Variants in CEP250 observed in about 807,000 individuals in gnomAD.
CEP250 encodes centrosome-associated protein CEP250.
Under a neutral mutation model 315.7 loss-of-function variants are expected in CEP250, and 242 were observed. That is an observed-to-expected ratio of 0.77 (90% CI 0.69 to 0.85). CEP250 has a LOEUF of 0.85. CEP250 is among the 40% of genes least tolerant of loss of function. CEP250 has a pLI of 0.00. For synonymous variants in CEP250, 1,088 were observed against 1,175.0 expected, an observed-to-expected ratio of 0.93 and a Z score of 1.51; for missense variants, 2,515 against 2,886.4, an observed-to-expected ratio of 0.87 and a Z score of 2.95.
chr20:35,492,052 A>G (rs961336154), intron 22 of CEP250, among the ~76,000 whole-genome samples: 1 of 152,174 alleles, frequency 6.6e-6, no homozygotes, highest in Admixed American at 6.5e-5. Flanking sequence ...AAGTGCTGTA[A>G]AGGAAATAGA....
rs2062619162 is a variant in CEP250, at chr20:35,456,134, A to C, written c.-298+383A>C. On this transcript the variant is annotated intron_variant, in intron 1 of 34. Coordinates refer to ENST00000397527, the MANE Select transcript of CEP250 (RefSeq NM_007186.6). ...GATCTCGAACTCCCGACCTCAGGTG[A>C]TCCGCCCGCTTCGGCCTCCCAAAGT... Among the ~76,000 whole-genome samples the C allele has an allele frequency of 3.3e-5, 5 of 152,304 alleles. No individual in the cohort carries two copies. The South Asian group carries it at 1.0e-3, about 32-fold the overall frequency.
chr20:35,480,143 TG>T lies in CEP250; in HGVS notation c.2586+1del. Reference sequence around the variant, plus strand: ...AGAGGTGAACCAGCTCCGGGAGAAATGGGTAAGTGGTCAATGTGGCCGGGTA... The same window carrying T: ...AGAGGTGAACCAGCTCCGGGAGAAATGGTAAGTGGTCAATGTGGCCGGGTA... ...EKEVNQLREK[W>X]EKERSWHQQE... On this transcript the variant is annotated frameshift_variant and splice_region_variant, in exon 20 of 35. Coordinates refer to ENST00000397527, the MANE Select transcript of CEP250 (RefSeq NM_007186.6). LOFTEE classifies it high-confidence loss of function. The T allele has an allele frequency of 6.2e-7, 1 of 1,610,566 alleles. No individual in the cohort carries two copies. The highest frequency in any genetic ancestry group is 8.5e-7 in the Non-Finnish European group (1 of 1,179,240).
At chr20:35,474,908 T>G in intron 14 of CEP250, 1 of 468,308 alleles carries the variant, frequency 2.1e-6, no homozygotes, top group Non-Finnish European at 4.4e-6. Context: ...TGTATTTCCC[T>G]CCTCTCCTGT....
rs2062875318 is a variant in CEP250, at chr20:35,466,271, A to C, written c.492+67A>C. On this transcript the variant is annotated intron_variant, in intron 7 of 34. Coordinates refer to ENST00000397527, the MANE Select transcript of CEP250 (RefSeq NM_007186.6). ...TATTCTGGATGCTGCCCTGGTCAGT[A>C]CTGGAAGGAGTTAACTTCAGGACTT... is the stretch of plus-strand genomic sequence containing the variant. 4.0e-6 allele frequency: 6 copies of C among 1,502,152 alleles called. No individual in the cohort carries two copies. The South Asian group carries it at 7.4e-5, about 18-fold the overall frequency. The allele number at this position is 1,502,152 out of a possible 1,614,324, so 93.1% of individuals were successfully genotyped here.
chr20:35,456,075 A>T (rs1179940074), intron 1 of CEP250, among the ~76,000 whole-genome samples: 1 of 152,104 alleles, frequency 6.6e-6, no homozygotes, highest in Non-Finnish European at 1.5e-5. Context: ...TTATGTTTTT[A>T]GTAGAGACGG....
intron 16 of CEP250, among the ~76,000 whole-genome samples, chr20:35,476,898 G>T (rs2063188624): frequency 6.6e-6 from 1 of 152,188 alleles, no homozygotes; most frequent in Non-Finnish European, 1.5e-5. Context: ...ACCTAGGCTG[G>T]AGTGCAGTGG....
chr20:35,462,515 C>G lies in CEP250; in HGVS notation c.148C>G (p.Gln50Glu). 6.2e-7 allele frequency: 1 copy of G among 1,609,172 alleles called. No homozygotes were observed. Among genetic ancestry groups the G allele is most frequent in the Non-Finnish European group, 8.5e-7 (1 of 1,177,842 alleles). The change falls in exon 4 of 35, where the codon CAG becomes GAG. Residue 50 changes from glutamine to glutamate, a missense_variant. Physicochemically the swap from Gln to Glu is conservative, Grantham distance 29 (BLOSUM62 2). Transcript: ENST00000397527. The stretch of plus-strand genomic sequence containing the variant: ...GCTGAAGAACTCCCAGGAGGCCCAG[C>G]AGAGACAAGCAACCCTTGTGAGGAA... The part of the protein sequence containing the change: ...RKLKNSQEAQ[Q>E]RQATLVRKLQ...
intron 22 of CEP250, 89 bp downstream of exon 22, chr20:35,491,435 C>CCA: frequency 4.3e-6 from 6 of 1,404,776 alleles, no homozygotes; most frequent in Non-Finnish European, 5.9e-6. Flanking sequence ...TCTTATGTGC[C>CCA]AGGCCCTGTG....
chr20:35,472,848 T>C lies in CEP250; in HGVS notation c.1209+17T>C. The C allele has an allele frequency of 6.2e-7, 1 of 1,613,640 alleles. No homozygotes were observed. The highest frequency in any genetic ancestry group is 1.1e-5 in the South Asian group (1 of 91,062). ...GCTGTGCAGGTAGGAACCCTCAGCA[T>C]TCCACCTCAGTCACAGGGGTTTGTG... On this transcript the variant is annotated intron_variant, in intron 12 of 34. Coordinates refer to ENST00000397527, the MANE Select transcript of CEP250 (RefSeq NM_007186.6).
intron 14 of CEP250, chr20:35,474,809 G>A (rs562879050): frequency 1.7e-5 from 8 of 471,136 alleles, no homozygotes; most frequent in South Asian, 1.1e-4. Flanking sequence ...CTGGGAAGAT[G>A]AGAGCAATGT....
Position 35,504,388 on chromosome 20 carries a change from G to T in CEP250, c.6019G>T (p.Ala2007Ser), listed in dbSNP as rs777309189. 1 of 1,602,724 alleles carries T rather than the reference G, an allele frequency of 6.2e-7. No individual in the cohort carries two copies. Among genetic ancestry groups the T allele is most frequent in the South Asian group, 1.1e-5 (1 of 89,222 alleles). ...STATLQASLD[A>S]CQAHSRQLEE... ...TGCAACCCTGCAAGCCTCCCTGGAT[G>T]CCTGCCAGGCACACAGTCGGCAGCT... Residue 2007 changes from alanine (A) to serine (S), a missense_variant, in exon 30 of 35, where the codon GCC becomes TCC. Coordinates refer to ENST00000397527, the MANE Select transcript of CEP250 (RefSeq NM_007186.6).
chr20:35,492,814 G>A (rs566247959), intron 22 of CEP250, among the ~76,000 whole-genome samples: 13 of 152,202 alleles, frequency 8.5e-5, no homozygotes, highest in South Asian at 4.1e-4. Context: ...TGCAACCTTC[G>A]CCTCCCAGGT....
rs1568773150 is a variant in CEP250 at position 35,473,534 on chromosome 20, A to T, written c.1370A>T (p.Glu457Val). The change falls in exon 13 of 35, where the codon GAG becomes GTG. Residue 457 changes from glutamate to valine, a missense_variant. By Grantham distance (121) the Glu-to-Val change is moderately radical (BLOSUM62 -2). Transcript: ENST00000397527. Reference sequence around the variant, plus strand: ...GGGCAGACTGTGGACCTCCAGGGAGAGGTGGACTCTCTCAGCAAGTGAGCA... The same window carrying T: ...GGGCAGACTGTGGACCTCCAGGGAGTGGTGGACTCTCTCAGCAAGTGAGCA... ...LAGQTVDLQG[E>V]VDSLSKEREL... The T allele has an allele frequency of 6.2e-7, 1 of 1,612,962 alleles. No individual in the cohort carries two copies. Among genetic ancestry groups the T allele is most frequent in the Non-Finnish European group, 8.5e-7 (1 of 1,179,536 alleles).
intron 28 of CEP250, among the ~76,000 whole-genome samples, chr20:35,500,922 G>A (rs1377004265): frequency 1.3e-5 from 2 of 152,156 alleles, no homozygotes; most frequent in Non-Finnish European, 2.9e-5. Flanking sequence ...AAAAAAATTG[G>A]AGACCCAGGG....
chr20:35,505,074 A>AGGGTGGTGGGCAGT, intron 30 of CEP250, 69 bp downstream of exon 30: 4 of 1,371,026 alleles, frequency 2.9e-6, no homozygotes, highest in Non-Finnish European at 3.9e-6. Flanking sequence ...GGGACTGCCC[A>AGGGTGGTGGGCAGT]CCACCCTGGG....
At position 35,474,048 on chromosome 20, in the gene CEP250, C is replaced by T. The variant is rs202093319; in HGVS notation, c.1567C>T (p.Arg523Cys). The change falls in exon 14 of 35, where the codon CGT (arginine) becomes TGT (cysteine). Residue 523 changes from arginine (R) to cysteine (C), a missense_variant. By Grantham distance (180) the Arg-to-Cys change is radical (BLOSUM62 -3). Transcript: ENST00000397527. ...ELHLAVRERE[R>C]LQEMLMGLEA... ...GCACCTGGCTGTCCGGGAGAGGGAG[C>T]GTCTGTAAGTGAGACTAGTCTCCTC... 1.2e-5 allele frequency: 19 copies of T among 1,552,248 alleles called. No homozygotes were observed. The East Asian group carries it at 2.4e-4, about 19-fold the overall frequency.
chr20:35,511,344 T>G lies in CEP250; in HGVS notation c.7066-19T>G. 1 of 1,578,638 alleles carries G rather than the reference T, an allele frequency of 6.3e-7. No homozygotes were observed. Among genetic ancestry groups the G allele is most frequent in the Non-Finnish European group, 8.6e-7 (1 of 1,161,752 alleles). Reference sequence around the variant, plus strand: ...GCCCTCAGCTGCTCTCGCTTTTTTTTTTTTTTCCTGCCCACCAGGTGGTCC... The same window carrying G: ...GCCCTCAGCTGCTCTCGCTTTTTTTGTTTTTTCCTGCCCACCAGGTGGTCC... On this transcript the variant is annotated intron_variant, in intron 34 of 34. Coordinates refer to ENST00000397527, the MANE Select transcript of CEP250 (RefSeq NM_007186.6).
chr20:35,455,957 G>C (rs1031986844), intron 1 of CEP250, among the ~76,000 whole-genome samples: 1 of 152,156 alleles, frequency 6.6e-6, no homozygotes, highest in African/African-American at 2.4e-5. Flanking sequence ...GTGCAATGGC[G>C]CGATCTCGGC....
intron 4 of CEP250, among the ~76,000 whole-genome samples, chr20:35,463,180 A>G (rs1217901356): frequency 6.6e-6 from 1 of 152,228 alleles, no homozygotes; most frequent in African/African-American, 2.4e-5. Context: ...AGGCAGGTGT[A>G]TCACCTGAGG....
Sources: allele counts gnomAD v4.1 joint callset (sites outside exome capture counted in the v4.1 genomes callset), GRCh38; gene constraint gnomAD v4.1.1; transcripts MANE v1.5; gene names NCBI Gene and HGNC (gene_info 2026-07-23, HGNC 2026-07-21).